ACADSB: variants seen among roughly 807,000 people sequenced by gnomAD.
ACADSB encodes the protein short/branched chain specific acyl-CoA dehydrogenase, mitochondrial.
In ACADSB, 40 loss-of-function variants were observed where a neutral mutation model predicts 54.1. The ratio of observed to expected loss-of-function variants is 0.74; its 90% CI spans 0.57 to 0.96. The LOEUF (loss-of-function observed/expected upper bound fraction) is 0.96. ACADSB is among the 40% of genes least tolerant of loss of function. The probability of loss-of-function intolerance (pLI) is 0.00; values close to 1 mark genes in which losing one functional copy is unlikely to be tolerated. For missense variants in ACADSB, 530 were observed against 510.4 expected, an observed-to-expected ratio of 1.04 and a Z score of -0.37; for synonymous variants, 182 against 182.8, an observed-to-expected ratio of 1.00 and a Z score of 0.03.
At chr10:123,036,025 A>G (rs1850393856) in intron 2 of ACADSB, among the ~76,000 whole-genome samples, 1 of 152,192 alleles carries the variant, frequency 6.6e-6, no homozygotes, top group Non-Finnish European at 1.5e-5. Flanking sequence ...GAGGACATGT[A>G]TACACCAGCG....
chr10:123,030,519 T>C (rs1850311072), intron 1 of ACADSB, among the ~76,000 whole-genome samples: 2 of 137,896 alleles, frequency 1.5e-5, no homozygotes, highest in Admixed American at 7.4e-5. Context: ...AGAGCGAGAC[T>C]CTGTCTCAAA....
chr10:123,029,609 T>G (rs907554455), intron 1 of ACADSB, among the ~76,000 whole-genome samples: 5 of 152,248 alleles, frequency 3.3e-5, no homozygotes, highest in African/African-American at 9.6e-5. Flanking sequence ...TTTCAAGATT[T>G]GTCCATGTTG....
At position 123,057,327 on chromosome 10, in the gene ACADSB, T is replaced by C. The variant is rs905860330; in HGVS notation, c.*3562T>C. The stretch of plus-strand genomic sequence containing the variant: ...CACCAATAACAGTTAAAATTAATTA[T>C]GTGTTATAGTTAATATATGCACCTA... On this transcript the variant is annotated 3_prime_UTR_variant, in exon 11 of 11. Coordinates refer to ENST00000358776, the MANE Select transcript of ACADSB (RefSeq NM_001609.4). 2 of 152,258 alleles carry C rather than the reference T, an allele frequency of 1.3e-5. No homozygotes were observed. Among genetic ancestry groups the C allele is most frequent in the Admixed American group, 1.3e-4 (2 of 15,286 alleles). 9.4% of individuals were successfully genotyped at this position (152,258 alleles called of 1,614,324 possible). A position where few individuals can be genotyped will look rare whatever the true frequency, so the allele number is the denominator to read the frequency against.
chr10:123,010,182 A>C (rs915360897), intron 1 of ACADSB, among the ~76,000 whole-genome samples: 1 of 152,248 alleles, frequency 6.6e-6, no homozygotes, highest in African/African-American at 2.4e-5. Flanking sequence ...TATTGACCGC[A>C]TACTCTGTGG....
chr10:123,014,357 A>C (rs1850084698), intron 1 of ACADSB, among the ~76,000 whole-genome samples: 1 of 152,234 alleles, frequency 6.6e-6, no homozygotes, highest in African/African-American at 2.4e-5. Context: ...TTTTAGAGAC[A>C]GGATCTTGTT....
chr10:123,012,106 C>T (rs112398303), intron 1 of ACADSB, among the ~76,000 whole-genome samples: 4,631 of 151,210 alleles, frequency 0.031, 100 homozygotes, highest in African/African-American at 0.048. Flanking sequence ...CCACCTCACC[C>T]TCCAAAATGC....
At chr10:123,010,781 A>G (rs1167343463) in intron 1 of ACADSB, among the ~76,000 whole-genome samples, 2 of 152,256 alleles carry the variant, frequency 1.3e-5, no homozygotes, top group East Asian at 3.8e-4. Flanking sequence ...CAGATGTAAT[A>G]ATGAATAAAA....
chr10:123,052,768 G>T lies in ACADSB; in HGVS notation c.1129-293G>T. The stretch of plus-strand genomic sequence containing the variant: ...CTCAGCTTGAAATGTCCCTTAGCTC[G>T]TCCGTTAGGCCCCCAGTAAACATTT... On this transcript the variant is annotated intron_variant, in intron 9 of 10. Transcript: ENST00000358776. The surrounding 1 kb of genome is among the most constrained non-coding windows in gnomAD (Gnocchi z 4.2). The T allele has an allele frequency of 2.5e-6, 1 of 393,126 alleles. No individual in the cohort carries two copies. Among genetic ancestry groups the T allele is most frequent in the Non-Finnish European group, 4.8e-6 (1 of 208,424 alleles). The allele number at this position is 393,126 out of a possible 1,614,324, so 24.4% of individuals were successfully genotyped here.
chr10:123,017,391 C>T (rs970242297), intron 1 of ACADSB, among the ~76,000 whole-genome samples: 3 of 152,166 alleles, frequency 2.0e-5, no homozygotes, highest in Non-Finnish European at 4.4e-5. Flanking sequence ...GATCTCAGCT[C>T]ACTGCAACCT....
intron 5 of ACADSB, 113 bp from the exon 6 acceptor site, chr10:123,042,933 C>T (rs1850494083): frequency 1.7e-6 from 2 of 1,198,670 alleles, no homozygotes; most frequent in South Asian, 2.6e-5. Flanking sequence ...AATTCTGAGT[C>T]CATTAGTATT....
At chr10:123,009,092 C>T (rs1031280322) in intron 1 of ACADSB, 21 bp downstream of exon 1, 92 of 1,543,890 alleles carry the variant, frequency 6.0e-5, no homozygotes, top group Middle Eastern at 5.1e-4. Flanking sequence ...TCGAGGCTGG[C>T]GTCCTGGGGG....
Position 123,051,206 on chromosome 10 carries a change from A to AAG in ACADSB, c.1128+21_1128+22insGA. The stretch of plus-strand genomic sequence containing the variant: ...TCAGAGGTAAAAAAAAAAAAAAAAA[A>AAG]AAAAAAGGAAAAAGTAATTCAGCCT... On this transcript the variant is annotated intron_variant, in intron 9 of 10. Coordinates refer to ENST00000358776, the MANE Select transcript of ACADSB (RefSeq NM_001609.4). 1 of 1,377,120 alleles carries AAG rather than the reference A, an allele frequency of 7.3e-7. No individual in the cohort carries two copies. The highest frequency in any genetic ancestry group is 2.9e-5 in the East Asian group (1 of 34,154). 85.3% of individuals were successfully genotyped at this position (1,377,120 alleles called of 1,614,324 possible).
intron 1 of ACADSB, among the ~76,000 whole-genome samples, chr10:123,026,202 C>G (rs1850249374): frequency 6.6e-6 from 1 of 152,154 alleles, no homozygotes; most frequent in Non-Finnish European, 1.5e-5. Flanking sequence ...TAATAATAGT[C>G]CACCAAAGTA....
chr10:123,041,165 T>C (rs1207835823), intron 4 of ACADSB, 44 bp from the exon 5 acceptor site: 7 of 1,590,184 alleles, frequency 4.4e-6, no homozygotes, highest in Non-Finnish European at 6.0e-6. Context: ...ATACAGAGTA[T>C]AAATACAGTT....
intron 2 of ACADSB, among the ~76,000 whole-genome samples, chr10:123,037,007 A>G (rs567356796): frequency 5.3e-5 from 8 of 152,260 alleles, no homozygotes; most frequent in African/African-American, 1.7e-4. Context: ...TAAGTCTTAA[A>G]AACATTAAAA....
chr10:123,054,068 C>T lies in ACADSB; in HGVS notation c.*303C>T. ...TTTTTACTCTGTCTTACTCTGTCACCCAGGCTAGAGTGCAGTGGCGCGATC... is the reference window on the plus strand; with the variant it reads ...TTTTTACTCTGTCTTACTCTGTCACTCAGGCTAGAGTGCAGTGGCGCGATC... On this transcript the variant is annotated 3_prime_UTR_variant, in exon 11 of 11. Transcript: ENST00000358776. The T allele has an allele frequency of 2.6e-6, 1 of 391,334 alleles. No individual in the cohort carries two copies. The highest frequency in any genetic ancestry group is 4.8e-6 in the Non-Finnish European group (1 of 209,912). The allele number at this position is 391,334 out of a possible 1,614,324, so 24.2% of individuals were successfully genotyped here.
At position 123,051,064 on chromosome 10, in the gene ACADSB, G is replaced by A. The variant is rs767398802; in HGVS notation, c.1006G>A (p.Val336Met). 1 of 1,612,174 alleles carries A rather than the reference G, an allele frequency of 6.2e-7. No individual in the cohort carries two copies. The stretch of plus-strand genomic sequence containing the variant: ...ACTGTTACAGGGCCTCCAACACCAA[G>A]TGGCTCACGTGGCCACCCAGCTGGA... ...LFDFQGLQHQ[V>M]AHVATQLEAA... The change falls in exon 9 of 11, where the codon GTG becomes ATG. Residue 336 changes from valine (V) to methionine (M), a missense_variant. Physicochemically the swap from Val to Met is conservative, Grantham distance 21. Transcript: ENST00000358776.
intron 1 of ACADSB, among the ~76,000 whole-genome samples, chr10:123,014,122 A>G (rs1175671571): frequency 6.6e-6 from 1 of 152,010 alleles, no homozygotes. Context: ...GTTCCTCATT[A>G]AAGGACAACT....
intron 2 of ACADSB, among the ~76,000 whole-genome samples, chr10:123,036,963 A>G (rs1267455483): frequency 2.0e-5 from 3 of 152,260 alleles, no homozygotes; most frequent in African/African-American, 7.2e-5. Flanking sequence ...AAACTTAAGA[A>G]GGTGTTTTCA....
Sources: allele counts gnomAD v4.1 joint callset (sites outside exome capture counted in the v4.1 genomes callset), GRCh38; gene constraint gnomAD v4.1.1; non-coding constraint Gnocchi (gnomAD v3.1); transcripts MANE v1.5; gene names NCBI Gene and HGNC (gene_info 2026-07-23, HGNC 2026-07-21).